Variants in LRP1B observed in about 807,000 individuals in gnomAD.
LRP1B encodes low-density lipoprotein receptor-related protein 1B.
LRP1B carries 217 observed loss-of-function variants against 556.6 expected under a neutral mutation model. The ratio of observed to expected loss-of-function variants is 0.39; its 90% CI spans 0.35 to 0.44. The LOEUF (loss-of-function observed/expected upper bound fraction) is 0.44, where lower values mean the gene tolerates loss of function less well. Among genes scored for constraint, LRP1B ranks in the 20% least tolerant of loss-of-function variants. The pLI is 1.00. For synonymous variants in LRP1B, 2,047 were observed against 1,865.8 expected (o/e 1.10, Z -2.50); for missense variants, 5,053 against 5,620.8 (o/e 0.90, Z 3.23).
intron 35 of LRP1B, among the ~76,000 whole-genome samples, chr2:140,752,002 T>G (rs1688596068): frequency 6.6e-6 from 1 of 152,028 alleles, no homozygotes; most frequent in South Asian, 2.1e-4. Context: ...TGGAAGAGGA[T>G]TCTGTCAGTT....
At chr2:141,853,040 G>T (rs2105777823) in intron 1 of LRP1B, among the ~76,000 whole-genome samples, 1 of 151,642 alleles carries the variant, frequency 6.6e-6, no homozygotes, top group African/African-American at 2.4e-5. Flanking sequence ...GCTTCCCATG[G>T]AAATTACATG....
intron 2 of LRP1B, among the ~76,000 whole-genome samples, chr2:141,787,225 A>G (rs1249116779): frequency 6.6e-6 from 1 of 151,898 alleles, no homozygotes; most frequent in Non-Finnish European, 1.5e-5. Flanking sequence ...TGACCTATAA[A>G]TTCCACTCCT....
At chr2:141,088,928 T>A (rs1340664526) in intron 7 of LRP1B, among the ~76,000 whole-genome samples, 1 of 152,094 alleles carries the variant, frequency 6.6e-6, no homozygotes, top group East Asian at 1.9e-4. Context: ...TAAAAGGGGT[T>A]TTTCTGGACC....
chr2:140,689,704 A>G (rs1686171174), intron 41 of LRP1B, among the ~76,000 whole-genome samples: 1 of 152,162 alleles, frequency 6.6e-6, no homozygotes, highest in Admixed American at 6.5e-5. Context: ...TCAGTTTTCC[A>G]GTTCTCCTTC....
At chr2:140,971,566 G>T (rs559775462) in intron 18 of LRP1B, among the ~76,000 whole-genome samples, 2 of 152,138 alleles carry the variant, frequency 1.3e-5, no homozygotes, top group African/African-American at 2.4e-5. Flanking sequence ...GGCCAGGTGC[G>T]GTGTCTCATG....
chr2:141,375,799 C>T (rs773510854), intron 3 of LRP1B, among the ~76,000 whole-genome samples: 18 of 152,170 alleles, frequency 1.2e-4, no homozygotes, highest in Non-Finnish European at 2.5e-4. Flanking sequence ...ATATCTCAGT[C>T]TCACAGCAGA....
At chr2:140,296,518 G>A (rs1175683148) in intron 84 of LRP1B, among the ~76,000 whole-genome samples, 4 of 152,132 alleles carry the variant, frequency 2.6e-5, no homozygotes, top group African/African-American at 9.7e-5. Context: ...AGCAGGATAT[G>A]TAAATTTACA....
chr2:141,027,451 C>A (rs1365629155), intron 11 of LRP1B, among the ~76,000 whole-genome samples: 1 of 151,824 alleles, frequency 6.6e-6, no homozygotes, highest in Non-Finnish European at 1.5e-5. Context: ...TGATGACTAA[C>A]AATGTAGAGA....
At chr2:140,306,620 A>ATT (rs58571888) in intron 83 of LRP1B, among the ~76,000 whole-genome samples, 7 of 149,266 alleles carry the variant, frequency 4.7e-5, no homozygotes, top group African/African-American at 1.7e-4. Context: ...GGATTCATTG[A>ATT]TTTTTTTTTT....
chr2:140,887,110 G>A (rs1016244301), intron 23 of LRP1B, among the ~76,000 whole-genome samples: 1 of 152,054 alleles, frequency 6.6e-6, no homozygotes, highest in Admixed American at 6.6e-5. Flanking sequence ...CTTAGATATT[G>A]CAGTTATTTA....
chr2:141,726,061 T>C (rs936285769), intron 2 of LRP1B, among the ~76,000 whole-genome samples: 2 of 151,710 alleles, frequency 1.3e-5, no homozygotes, highest in African/African-American at 4.8e-5. Flanking sequence ...ATGTGATTTT[T>C]TTAAAAGAAA....
intron 2 of LRP1B, among the ~76,000 whole-genome samples, chr2:141,766,576 A>G (rs536621457): frequency 1.3e-5 from 2 of 152,258 alleles, no homozygotes; most frequent in East Asian, 1.9e-4. Context: ...TTTCTCTTCA[A>G]GAGTCCTCAA....
intron 1 of LRP1B, among the ~76,000 whole-genome samples, chr2:141,997,546 A>G (rs10175783): frequency 0.86 from 127,530 of 148,698 alleles, 54,790 homozygotes; most frequent in East Asian, 0.95. Flanking sequence ...GTGGTGGCTC[A>G]ATCTTGGTTC....
intron 3 of LRP1B, among the ~76,000 whole-genome samples, chr2:141,449,715 G>A (rs1681340462): frequency 6.6e-6 from 1 of 152,142 alleles, no homozygotes; most frequent in Non-Finnish European, 1.5e-5. Context: ...AACATATTTT[G>A]TTTCAAGTTA....
chr2:141,493,329 G>A (rs902080631), intron 2 of LRP1B, among the ~76,000 whole-genome samples: 9 of 152,064 alleles, frequency 5.9e-5, no homozygotes, highest in African/African-American at 2.2e-4. Context: ...AGTAGACTAT[G>A]GAAGAATCTT....
chr2:141,941,881 G>A (rs1700816323), intron 1 of LRP1B, among the ~76,000 whole-genome samples: 1 of 152,172 alleles, frequency 6.6e-6, no homozygotes, highest in African/African-American at 2.4e-5. Flanking sequence ...ATAAAATGAT[G>A]AGTACCGTAT....
intron 3 of LRP1B, among the ~76,000 whole-genome samples, chr2:141,259,170 A>G (rs1684595133): frequency 6.6e-6 from 1 of 152,196 alleles, no homozygotes; most frequent in African/African-American, 2.4e-5. Flanking sequence ...AAATAGTAAG[A>G]GGGAGTCTAA....
intron 5 of LRP1B, among the ~76,000 whole-genome samples, chr2:141,238,064 T>A (rs1683724600): frequency 6.6e-6 from 1 of 152,206 alleles, no homozygotes; most frequent in Admixed American, 6.6e-5. Context: ...ATGTAATTGA[T>A]AACCATTGAA....
chr2:141,983,881 T>C (rs1702112392), intron 1 of LRP1B, among the ~76,000 whole-genome samples: 1 of 152,074 alleles, frequency 6.6e-6, no homozygotes, highest in African/African-American at 2.4e-5. Context: ...GCCAACATGA[T>C]GAAACCCTGT....
Sources: gnomAD v4.1 joint callset for allele counts (sites outside exome capture counted in the v4.1 genomes callset) on GRCh38, gnomAD v4.1.1 for gene constraint, MANE v1.5 for transcripts, NCBI Gene and HGNC (gene_info 2026-07-23, HGNC 2026-07-21) for gene names.